The following IP6K1 variants were observed in gnomAD, a reference collection of about 807,000 sequenced individuals.
IP6K1 encodes the protein inositol hexakisphosphate kinase 1.
A neutral mutation model predicts 38.3 loss-of-function variants in IP6K1; 13 were observed. The ratio of observed to expected loss-of-function variants is 0.34; its 90% confidence interval spans 0.22 to 0.54. The LOEUF is 0.54. Ranked by LOEUF, IP6K1 falls within the 20% of genes least tolerant of loss-of-function variation. The pLI, the probability that IP6K1 is intolerant of heterozygous loss-of-function variation, is 0.92. For synonymous variants in IP6K1, 212 were observed against 229.9 expected (o/e 0.92, Z 0.70); for missense variants, 397 against 599.8 (o/e 0.66, Z 3.53).
chr3:49,733,421 C>A (rs1013887142), intron 3 of IP6K1, among the ~76,000 whole-genome samples: 3 of 151,972 alleles, frequency 2.0e-5, no homozygotes, highest in African/African-American at 7.3e-5. Flanking sequence ...AGGTATACAC[C>A]CAAAAGAAAT....
At position 49,757,676 on chromosome 3, in the gene IP6K1, C is replaced by T. The variant is rs148719231; in HGVS notation, c.-128-9508G>A. Among the ~76,000 whole-genome samples, 286 of 152,036 alleles carry T rather than the reference C, an allele frequency of 1.9e-3. 1 individual carries two copies. The highest frequency in any genetic ancestry group is 6.6e-3 in the African/African-American group (272 of 41,474). On this transcript the variant is annotated intron_variant, in intron 1 of 5. Coordinates refer to ENST00000321599, the MANE Select transcript of IP6K1 (RefSeq NM_153273.4). ...CGGAGGTTGCAGTGAGCCAAGATTGCGCCACTACACTCCAGCCTGGGTAAC... is the reference window on the plus strand; with the variant it reads ...CGGAGGTTGCAGTGAGCCAAGATTGTGCCACTACACTCCAGCCTGGGTAAC...
rs576814614 is a variant in IP6K1, at chr3:49,738,464, G to A, written c.224-42C>T. 2.3e-5 allele frequency: 34 copies of A among 1,504,344 alleles called. 1 individual carries two copies. In the South Asian group the frequency reaches 3.6e-4, roughly 16 times the overall value. 93.2% of individuals were successfully genotyped at this position (1,504,344 alleles called of 1,614,324 possible). The stretch of plus-strand genomic sequence containing the variant: ...AGTTGGTAAACAAATGTCAACACAG[G>A]CCGAGTCTATGCAGCACAGACTGTT... On this transcript the variant is annotated intron_variant, in intron 2 of 5. Coordinates refer to ENST00000321599, the MANE Select transcript of IP6K1 (RefSeq NM_153273.4).
chr3:49,778,343 A>G (rs1297454766), intron 1 of IP6K1, among the ~76,000 whole-genome samples: 2 of 146,038 alleles, frequency 1.4e-5, no homozygotes, highest in Non-Finnish European at 3.0e-5. Flanking sequence ...AAAAAAAGGC[A>G]GGGTCTTGGC....
chr3:49,776,133 C>A (rs1047201732), intron 1 of IP6K1, among the ~76,000 whole-genome samples: 2 of 151,814 alleles, frequency 1.3e-5, no homozygotes, highest in African/African-American at 4.8e-5. Flanking sequence ...AAATTGGAAA[C>A]CCTTTCTGTT....
chr3:49,750,896 AC>A (rs1045235974), intron 1 of IP6K1, among the ~76,000 whole-genome samples: 17 of 152,248 alleles, frequency 1.1e-4, no homozygotes, highest in Non-Finnish European at 2.2e-4. Context: ...GAGTAAATAT[AC>A]CACATATCTG....
At chr3:49,753,121 C>T (rs2080792882) in intron 1 of IP6K1, among the ~76,000 whole-genome samples, 1 of 152,048 alleles carries the variant, frequency 6.6e-6, no homozygotes, top group Non-Finnish European at 1.5e-5. Flanking sequence ...CTCTGCATTC[C>T]TTCCCACCCC....
Position 49,756,241 on chromosome 3 carries a change from A to T in IP6K1, c.-128-8073T>A, listed in dbSNP as rs570036795. On this transcript the variant is annotated intron_variant, in intron 1 of 5. Coordinates refer to ENST00000321599, the MANE Select transcript of IP6K1 (RefSeq NM_153273.4). ...AAACAGGGAACAAGGAAAAAAGGAAACTTAGCAGGGGACCTGAGATGTGCC... is the reference window on the plus strand; with the variant it reads ...AAACAGGGAACAAGGAAAAAAGGAATCTTAGCAGGGGACCTGAGATGTGCC... Among the ~76,000 whole-genome samples, 128 of 152,298 alleles carry T rather than the reference A, an allele frequency of 8.4e-4. 3 individuals carry two copies. In the South Asian group the frequency reaches 0.026, roughly 31 times the overall value.
In IP6K1 at chr3:49,731,907, G is replaced by GAAAAAAAAAAAAAAAAAAAAAAAAAAA. The variant is rs1277207284; in HGVS notation, c.616+883_616+884insTTTTTTTTTTTTTTTTTTTTTTTTTTT. On this transcript the variant is annotated intron_variant, in intron 4 of 5. Transcript: ENST00000321599. ...TGTCTCAAAAAAAAAAAAAAAAAAG[G>GAAAAAAAAAAAAAAAAAAAAAAAAAAA]AATTCCTATGCCATAATACTTTTTT... 1.2e-3 allele frequency among the ~76,000 whole-genome samples: 82 copies of GAAAAAAAAAAAAAAAAAAAAAAAAAAA among 69,052 alleles called. 3 individuals carry two copies. The highest frequency in any genetic ancestry group is 1.7e-3 in the Non-Finnish European group (55 of 31,644). The allele number at this position is 69,052 out of a possible 152,430, so 45.3% of individuals were successfully genotyped here. A position where few individuals can be genotyped will look rare whatever the true frequency, so the allele number is the denominator to read the frequency against.
intron 1 of IP6K1, among the ~76,000 whole-genome samples, chr3:49,772,501 C>G (rs1188079007): frequency 6.6e-6 from 1 of 151,986 alleles, no homozygotes; most frequent in African/African-American, 2.4e-5. Context: ...CTCCTGGTCT[C>G]AAGCAATCCT....
Position 49,730,095 on chromosome 3 carries a change from G to A in IP6K1, c.617-1817C>T, listed in dbSNP as rs369747590. ...TTTGAGTAGAGCAGGGTTTTACCAT[G>A]TTGGCCAGACTGGTCTGGAACTCTT... is the stretch of plus-strand genomic sequence containing the variant. On this transcript the variant is annotated intron_variant, in intron 4 of 5. Coordinates refer to ENST00000321599, the MANE Select transcript of IP6K1 (RefSeq NM_153273.4). 1.1e-4 allele frequency among the ~76,000 whole-genome samples: 17 copies of A among 152,132 alleles called. No homozygotes were observed. In the East Asian group the frequency reaches 2.3e-3, roughly 21 times the overall value.
chr3:49,762,242 A>G (rs1357201390), intron 1 of IP6K1, among the ~76,000 whole-genome samples: 1 of 152,122 alleles, frequency 6.6e-6, no homozygotes. Flanking sequence ...AAGAGCCACA[A>G]GCATCTTTAA....
At chr3:49,761,161 A>G (rs1377112072) in intron 1 of IP6K1, among the ~76,000 whole-genome samples, 1 of 150,970 alleles carries the variant, frequency 6.6e-6, no homozygotes, top group East Asian at 2.0e-4. Context: ...TAAAAATACA[A>G]AAAATTAGCT....
chr3:49,755,721 C>T (rs1049551221), intron 1 of IP6K1, among the ~76,000 whole-genome samples: 2 of 152,148 alleles, frequency 1.3e-5, no homozygotes, highest in African/African-American at 4.8e-5. Flanking sequence ...AAAGCATTGA[C>T]ATGGACTTTG....
At chr3:49,728,525 G>C in intron 4 of IP6K1, 1 of 408,838 alleles carries the variant, frequency 2.4e-6, no homozygotes, top group Non-Finnish European at 4.4e-6. Context: ...CATTTACTTT[G>C]TTGTATAACC....
In IP6K1 at chr3:49,786,511, A is replaced by T. The variant is rs2081114682; in HGVS notation, c.-286T>A. ...CTTGGTCCAGCTCCCGGCGCTGCCC[A>T]CTGGGTACGGATCAACAACAAGATG... is the stretch of plus-strand genomic sequence containing the variant. On this transcript the variant is annotated 5_prime_UTR_variant, in exon 1 of 6. Coordinates refer to ENST00000321599, the MANE Select transcript of IP6K1 (RefSeq NM_153273.4). 1 of 152,482 alleles carries T rather than the reference A, an allele frequency of 6.6e-6. No homozygotes were observed. Among genetic ancestry groups the T allele is most frequent in the African/African-American group, 2.4e-5 (1 of 41,470 alleles). 9.4% of individuals were successfully genotyped at this position (152,482 alleles called of 1,614,324 possible).
chr3:49,750,451 T>C (rs2080762917), intron 1 of IP6K1, among the ~76,000 whole-genome samples: 1 of 151,988 alleles, frequency 6.6e-6, no homozygotes, highest in Admixed American at 6.6e-5. Context: ...TCCCAGCACT[T>C]TGGGAGGCCG....
chr3:49,740,226 T>TCC (rs1271871332), intron 2 of IP6K1, among the ~76,000 whole-genome samples: 12 of 124,952 alleles, frequency 9.6e-5, no homozygotes, highest in Non-Finnish European at 1.3e-4. Context: ...AAATTTGCAA[T>TCC]TCTTTTTTTT....
chr3:49,756,808 A>C, intron 1 of IP6K1, among the ~76,000 whole-genome samples: 1 of 118,350 alleles, frequency 8.4e-6, no homozygotes, highest in Admixed American at 9.8e-5. Context: ...CAAGGGCAAA[A>C]CTCCATCTCA....
intron 1 of IP6K1, among the ~76,000 whole-genome samples, chr3:49,772,274 TA>T (rs1307174219): frequency 6.8e-6 from 1 of 147,164 alleles, no homozygotes; most frequent in East Asian, 1.9e-4. Context: ...ATATATGTAA[TA>T]TATATGTTAT....
Sources: gnomAD v4.1 joint callset for allele counts (sites outside exome capture counted in the v4.1 genomes callset) on GRCh38, gnomAD v4.1.1 for gene constraint, MANE v1.5 for transcripts, NCBI Gene and HGNC (gene_info 2026-07-23, HGNC 2026-07-21) for gene names.